Variants in ROBO2 observed in about 807,000 individuals in gnomAD.
ROBO2 encodes roundabout homolog 2.
A neutral mutation model predicts 160.8 loss-of-function variants in ROBO2; 53 were observed. The observed-to-expected ratio is 0.33, with a 90% CI of 0.26 to 0.41. The LOEUF is 0.41. Among genes scored for constraint, ROBO2 ranks in the 10% least tolerant of loss-of-function variants. ROBO2 has a pLI of 1.00. For missense variants in ROBO2, 1,577 were observed against 1,722.4 expected, an observed-to-expected ratio of 0.92 and a Z score of 1.49; for synonymous variants, 664 against 611.7, an observed-to-expected ratio of 1.09 and a Z score of -1.26.
intron 2 of ROBO2, among the ~76,000 whole-genome samples, chr3:76,940,028 C>G (rs918664525): frequency 1.4e-5 from 2 of 139,854 alleles, no homozygotes; most frequent in Non-Finnish European, 3.0e-5. Context: ...GTCACCCAGG[C>G]TGGGGTGCGG....
chr3:76,700,396 T>C (rs2093023221), intron 2 of ROBO2, among the ~76,000 whole-genome samples: 1 of 152,168 alleles, frequency 6.6e-6, no homozygotes, highest in East Asian at 1.9e-4. Flanking sequence ...AATGTTTTTC[T>C]TTTGTTTAAA....
Position 76,571,777 on chromosome 3 carries a change from A to T in ROBO2, c.110-526237A>T, listed in dbSNP as rs538539966. Among the ~76,000 whole-genome samples the T allele has an allele frequency of 3.3e-5, 5 of 152,266 alleles. No individual in the cohort carries two copies. The East Asian group carries it at 5.8e-4, about 18-fold the overall frequency. On this transcript the variant is annotated intron_variant, in intron 2 of 26. Coordinates refer to the ROBO2 transcript ENST00000487694. ...TTCTCCATTTTATGTACAGGAAAAA[A>T]AATGTCACATTTTAGAAGGCTGATT...
chr3:77,331,715 A>G (rs13064907), intron 2 of ROBO2, among the ~76,000 whole-genome samples: 2 of 105,014 alleles, frequency 1.9e-5, no homozygotes, highest in African/African-American at 2.9e-5. Context: ...ATTTATTTAT[A>G]TATTTTGAGA....
intron 2 of ROBO2, among the ~76,000 whole-genome samples, chr3:76,396,208 C>A (rs1255349908): frequency 1.3e-5 from 2 of 151,992 alleles, no homozygotes; most frequent in Non-Finnish European, 2.9e-5. Flanking sequence ...ATAAACAGAA[C>A]CAAAGACAAA....
At chr3:77,583,976 A>G (rs2093980422) in intron 16 of ROBO2, among the ~76,000 whole-genome samples, 3 of 152,110 alleles carry the variant, frequency 2.0e-5, no homozygotes, top group Non-Finnish European at 4.4e-5. Context: ...TCATATGTTT[A>G]TCTGGTCTTC....
At chr3:76,700,954 C>A (rs574366456) in intron 2 of ROBO2, among the ~76,000 whole-genome samples, 2 of 151,954 alleles carry the variant, frequency 1.3e-5, no homozygotes, top group East Asian at 3.9e-4. Context: ...AATCATGATT[C>A]CTCTTAATTA....
At chr3:76,142,047 T>C (rs1288934386) in intron 2 of ROBO2, among the ~76,000 whole-genome samples, 1 of 151,894 alleles carries the variant, frequency 6.6e-6, no homozygotes, top group African/African-American at 2.4e-5. Flanking sequence ...GTCAGACATA[T>C]AAGACACAAA....
chr3:76,073,453 G>A (rs2068538385), intron 2 of ROBO2, among the ~76,000 whole-genome samples: 1 of 151,040 alleles, frequency 6.6e-6, no homozygotes, highest in African/African-American at 2.4e-5. Flanking sequence ...CCCCACGCCC[G>A]GCTAATTTTT....
chr3:76,453,685 G>A (rs1220342453), intron 2 of ROBO2, among the ~76,000 whole-genome samples: 1 of 152,104 alleles, frequency 6.6e-6, no homozygotes, highest in Non-Finnish European at 1.5e-5. Flanking sequence ...AACCTTTCGA[G>A]TTGGTAATGT....
intron 2 of ROBO2, among the ~76,000 whole-genome samples, chr3:77,295,776 A>G (rs200633209): frequency 1.3e-5 from 2 of 151,210 alleles, no homozygotes; most frequent in African/African-American, 2.4e-5. Flanking sequence ...ACATAAAGTA[A>G]AATTGATGTT....
At chr3:76,100,015 C>A (rs2069616629) in intron 2 of ROBO2, among the ~76,000 whole-genome samples, 1 of 152,168 alleles carries the variant, frequency 6.6e-6, no homozygotes, top group Non-Finnish European at 1.5e-5. Flanking sequence ...CGTGGATCTG[C>A]AAACAGCATT....
At chr3:76,264,773 A>T (rs190031518) in intron 2 of ROBO2, among the ~76,000 whole-genome samples, 36 of 152,146 alleles carry the variant, frequency 2.4e-4, no homozygotes, top group Non-Finnish European at 5.0e-4. Context: ...CCTGTGTAGT[A>T]GTAGCCCATA....
At chr3:76,273,112 CACATATAAAT>C (rs1218513959) in intron 2 of ROBO2, among the ~76,000 whole-genome samples, 15 of 20,724 alleles carry the variant, frequency 7.2e-4, no homozygotes, top group Non-Finnish European at 1.0e-3. Context: ...TATACACACA[CACATATAAAT>C]ATATATATAT....
intron 2 of ROBO2, among the ~76,000 whole-genome samples, chr3:77,344,069 A>G (rs998678019): frequency 4.6e-5 from 7 of 152,118 alleles, no homozygotes; most frequent in Admixed American, 3.9e-4. Flanking sequence ...CAAGAACTGT[A>G]AATGCAAAGA....
intron 2 of ROBO2, among the ~76,000 whole-genome samples, chr3:76,016,930 A>T (rs1307271701): frequency 6.6e-6 from 1 of 152,200 alleles, no homozygotes; most frequent in Non-Finnish European, 1.5e-5. Context: ...AATGAGGCAT[A>T]GGATAGCAGT....
At chr3:76,997,983 C>A (rs1345455215) in intron 2 of ROBO2, among the ~76,000 whole-genome samples, 2 of 152,022 alleles carry the variant, frequency 1.3e-5, no homozygotes, top group East Asian at 3.9e-4. Flanking sequence ...ACAGGGAGCA[C>A]AAAAGAACAT....
intron 1 of ROBO2, among the ~76,000 whole-genome samples, chr3:77,050,348 T>TTGAACCTC (rs1464905257): frequency 1.3e-5 from 2 of 152,146 alleles, no homozygotes; most frequent in Non-Finnish European, 2.9e-5. Context: ...CTAAGTACCT[T>TTGAACCTC]TGAATGCCAG....
chr3:76,617,856 A>G (rs2088720212), intron 2 of ROBO2, among the ~76,000 whole-genome samples: 1 of 151,666 alleles, frequency 6.6e-6, no homozygotes, highest in Non-Finnish European at 1.5e-5. Context: ...GAGGCAGGAG[A>G]GAGAATGAGA....
chr3:77,186,835 C>T (rs1011116389), intron 2 of ROBO2, among the ~76,000 whole-genome samples: 12 of 151,892 alleles, frequency 7.9e-5, no homozygotes, highest in African/African-American at 2.7e-4. Flanking sequence ...TTTAAAAATG[C>T]TTTAACTTCC....
Sources: gnomAD v4.1 joint callset for allele counts (sites outside exome capture counted in the v4.1 genomes callset) on GRCh38, gnomAD v4.1.1 for gene constraint, MANE v1.5 for transcripts, NCBI Gene and HGNC (gene_info 2026-07-23, HGNC 2026-07-21) for gene names.